SV2C: variants seen among roughly 807,000 people sequenced by gnomAD.
SV2C encodes the protein synaptic vesicle glycoprotein 2C.
In SV2C, 49 loss-of-function variants were observed where a neutral mutation model predicts 79.7. The observed-to-expected ratio is 0.61, with a 90% CI of 0.49 to 0.78. The LOEUF (loss-of-function observed/expected upper bound fraction) is 0.78. Ranked by LOEUF, SV2C falls within the 30% of genes least tolerant of loss-of-function variation. The pLI is 0.00. For synonymous variants in SV2C, 334 were observed against 333.2 expected (o/e 1.00, Z -0.03); for missense variants, 833 against 912.9 (o/e 0.91, Z 1.13).
the SV2C span, among the ~76,000 whole-genome samples, chr5:75,928,976 C>T: frequency 6.6e-6 from 1 of 152,160 alleles, no homozygotes; most frequent in South Asian, 2.1e-4. Context: ...CTTTCCTCTG[C>T]CTGCATAGAG....
At chr5:76,017,665 T>C in the SV2C span, among the ~76,000 whole-genome samples, 7 of 152,212 alleles carry the variant, frequency 4.6e-5, no homozygotes, top group East Asian at 1.2e-3. Context: ...CTTCATTATT[T>C]AACCAACACA....
rs532377878 is a variant in SV2C, at chr5:76,111,865, C to T, written c.-101-19785C>T. Among the ~76,000 whole-genome samples the T allele has an allele frequency of 7.2e-5, 11 of 152,292 alleles. No individual in the cohort carries two copies. In the South Asian group the frequency reaches 8.3e-4, roughly 11 times the overall value. On this transcript the variant is annotated intron_variant, in intron 1 of 12. Transcript: ENST00000502798. Reference sequence around the variant, plus strand: ...ATATTTGTCATCCCTGGTTTCTGGACACTTGTCCCGGGAATGCTTGTTCTG... The same window carrying T: ...ATATTTGTCATCCCTGGTTTCTGGATACTTGTCCCGGGAATGCTTGTTCTG...
the SV2C span, among the ~76,000 whole-genome samples, chr5:76,002,755 G>A: frequency 6.6e-6 from 1 of 152,166 alleles, no homozygotes; most frequent in Non-Finnish European, 1.5e-5. Flanking sequence ...TGTTATCCAA[G>A]TTGGGTGAAG....
chr5:75,995,589 T>G, the SV2C span, among the ~76,000 whole-genome samples: 14 of 152,216 alleles, frequency 9.2e-5, no homozygotes, highest in South Asian at 2.9e-3. Context: ...ACAAATAAGA[T>G]AACAACCATA....
chr5:75,974,541 A>G, the SV2C span, among the ~76,000 whole-genome samples: 1 of 152,034 alleles, frequency 6.6e-6, no homozygotes, highest in Admixed American at 6.6e-5. Flanking sequence ...CCTCAGAGAG[A>G]ACTCTCTCCA....
intron 1 of SV2C, among the ~76,000 whole-genome samples, chr5:76,104,569 A>G (rs576610795): frequency 6.6e-6 from 1 of 152,200 alleles, no homozygotes; most frequent in Non-Finnish European, 1.5e-5. Flanking sequence ...TTTCTTCAAT[A>G]GATACTAGTG....
Position 76,151,640 on chromosome 5 carries a change from G to A in SV2C, c.580+19310G>A, listed in dbSNP as rs116200963. On this transcript the variant is annotated intron_variant, in intron 2 of 12. Transcript: ENST00000502798. The stretch of plus-strand genomic sequence containing the variant: ...AGGAGGGCCATGTCATATGGTACTG[G>A]GACCTCCAGACCAGGCGTTATGCCT... 7.9e-3 allele frequency among the ~76,000 whole-genome samples: 1,201 copies of A among 152,306 alleles called. 17 individuals carry two copies. The highest frequency in any genetic ancestry group is 0.028 in the African/African-American group (1,144 of 41,558).
chr5:75,952,271 C>T, the SV2C span, among the ~76,000 whole-genome samples: 2 of 147,764 alleles, frequency 1.4e-5, no homozygotes, highest in Non-Finnish European at 3.0e-5. Context: ...TCCTTCCTTC[C>T]TTCCTTCCTT....
intron 4 of SV2C, among the ~76,000 whole-genome samples, chr5:76,265,314 G>A (rs1271198913): frequency 6.6e-6 from 1 of 152,250 alleles, no homozygotes; most frequent in East Asian, 1.9e-4. Flanking sequence ...CACCAAGCTC[G>A]AGTGTCCCAG....
At chr5:75,945,189 G>A in the SV2C span, among the ~76,000 whole-genome samples, 1 of 151,978 alleles carries the variant, frequency 6.6e-6, no homozygotes, top group Non-Finnish European at 1.5e-5. Flanking sequence ...TTACATAAAA[G>A]AAACAAATGG....
the SV2C span, among the ~76,000 whole-genome samples, chr5:75,951,627 T>C: frequency 5.9e-5 from 9 of 152,030 alleles, no homozygotes; most frequent in African/African-American, 2.2e-4. Context: ...AATCTAGGGA[T>C]TTACTTGAAC....
chr5:76,122,895 C>CA (rs774199945), intron 1 of SV2C, among the ~76,000 whole-genome samples: 52 of 150,964 alleles, frequency 3.4e-4, no homozygotes, highest in African/African-American at 7.8e-4. Context: ...GAAGGAAATA[C>CA]AAAAAAAACC....
intron 4 of SV2C, among the ~76,000 whole-genome samples, chr5:76,237,738 G>A (rs1166250500): frequency 1.3e-5 from 2 of 152,082 alleles, no homozygotes; most frequent in Non-Finnish European, 2.9e-5. Flanking sequence ...ACCTCAGAAT[G>A]TTTGAAGATA....
the SV2C span, among the ~76,000 whole-genome samples, chr5:76,044,593 G>T: frequency 6.6e-6 from 1 of 152,084 alleles, no homozygotes; most frequent in Non-Finnish European, 1.5e-5. Flanking sequence ...ACTTTTTAAT[G>T]ATTGCCATTC....
At chr5:75,860,715 C>T in the SV2C span, among the ~76,000 whole-genome samples, 1 of 152,184 alleles carries the variant, frequency 6.6e-6, no homozygotes, top group African/African-American at 2.4e-5. Context: ...GTAACCAAAA[C>T]AATGTGGTAC....
downstream of SV2C, among the ~76,000 whole-genome samples, chr5:76,335,633 A>G (rs865782337): frequency 2.4e-3 from 358 of 152,090 alleles, 2 homozygotes; most frequent in African/African-American, 7.5e-3. Context: ...CTTAACGAGC[A>G]TGCTGCCTTC....
At chr5:76,280,713 C>G (rs977657205) in intron 4 of SV2C, among the ~76,000 whole-genome samples, 1 of 152,308 alleles carries the variant, frequency 6.6e-6, no homozygotes, top group African/African-American at 2.4e-5. Flanking sequence ...AGGCAGGCGT[C>G]AGGGGCCTCC....
At chr5:75,881,922 T>C in the SV2C span, among the ~76,000 whole-genome samples, 1 of 147,694 alleles carries the variant, frequency 6.8e-6, no homozygotes, top group Non-Finnish European at 1.5e-5. Flanking sequence ...CAGTATGATA[T>C]TGGCTGTGGG....
At position 76,255,705 on chromosome 5, in the gene SV2C, C is replaced by T. The variant is rs78237894; in HGVS notation, c.914-29457C>T. Among the ~76,000 whole-genome samples the T allele has an allele frequency of 3.3e-3, 496 of 152,296 alleles. 7 individuals carry two copies. Among genetic ancestry groups the T allele is most frequent in the African/African-American group, 0.011 (470 of 41,564 alleles). On this transcript the variant is annotated intron_variant, in intron 4 of 12. Coordinates refer to ENST00000502798, the MANE Select transcript of SV2C (RefSeq NM_014979.4). ...AGCCAAGCCCCTCACCTGGTGAAATCGTTATCAGAGTGGTCACGCCTGGCC... is the reference window on the plus strand; with the variant it reads ...AGCCAAGCCCCTCACCTGGTGAAATTGTTATCAGAGTGGTCACGCCTGGCC...
Sources: gnomAD v4.1 joint callset for allele counts (sites outside exome capture counted in the v4.1 genomes callset) on GRCh38, gnomAD v4.1.1 for gene constraint, MANE v1.5 for transcripts, NCBI Gene and HGNC (gene_info 2026-07-23, HGNC 2026-07-21) for gene names.